Variants in SPNS3 observed in about 807,000 individuals in gnomAD.
SPNS3 encodes protein spinster homolog 3.
In SPNS3, 51 loss-of-function variants were observed where a neutral mutation model predicts 54.4. The observed-to-expected ratio is 0.94, with a 90% confidence interval of 0.75 to 1.18. The LOEUF (loss-of-function observed/expected upper bound fraction) is 1.18, where lower values mean the gene tolerates loss of function less well. Among genes scored for constraint, SPNS3 ranks in the 50% most tolerant of loss-of-function variants. The pLI is 0.00. For missense variants in SPNS3, 669 were observed against 677.4 expected, an observed-to-expected ratio of 0.99 and a Z score of 0.14; for synonymous variants, 309 against 294.7, an observed-to-expected ratio of 1.05 and a Z score of -0.50.
At chr17:4,482,804 C>A (rs1002687241) in intron 9 of SPNS3, among the ~76,000 whole-genome samples, 1 of 152,220 alleles carries the variant, frequency 6.6e-6, no homozygotes, top group Non-Finnish European at 1.5e-5. Flanking sequence ...CCGCCCCACT[C>A]AGGATGGCCC....
intron 4 of SPNS3, 87 bp from the exon 5 acceptor site, chr17:4,446,809 G>A (rs76993660): frequency 1.5e-6 from 2 of 1,301,554 alleles, no homozygotes; most frequent in Non-Finnish European, 2.2e-6. Context: ...TGGGGCGTGG[G>A]GGGGGCACCC....
chr17:4,449,921 C>T (rs1176841090), intron 7 of SPNS3, among the ~76,000 whole-genome samples: 7 of 152,148 alleles, frequency 4.6e-5, no homozygotes, highest in Admixed American at 2.0e-4. Context: ...GTCTGCTGCC[C>T]GGCTGGGCTC....
intron 9 of SPNS3, among the ~76,000 whole-genome samples, chr17:4,479,578 G>A (rs1972101487): frequency 1.3e-5 from 2 of 152,244 alleles, no homozygotes; most frequent in African/African-American, 4.8e-5. Context: ...AGATAACGCA[G>A]GGCCCTGGGC....
intron 9 of SPNS3, among the ~76,000 whole-genome samples, chr17:4,484,212 T>A (rs527262508): frequency 6.6e-6 from 1 of 152,224 alleles, no homozygotes; most frequent in South Asian, 2.1e-4. Flanking sequence ...GTGGAGGTTT[T>A]CCTCATCTGT....
At chr17:4,454,709 C>T (rs745674250) in intron 8 of SPNS3, among the ~76,000 whole-genome samples, 54 of 149,916 alleles carry the variant, frequency 3.6e-4, no homozygotes, top group Non-Finnish European at 5.8e-4. Flanking sequence ...CAACCTCCAC[C>T]TCCTGGGTTC....
rs1459645756 is a variant in SPNS3, at chr17:4,453,052, C to T, written c.960C>T (p.Val320=). 1.9e-6 allele frequency: 3 copies of T among 1,613,894 alleles called. No homozygotes were observed. The highest frequency in any genetic ancestry group is 1.7e-6 in the Non-Finnish European group (2 of 1,179,928). The change falls in exon 8 of 12, where the codon GTC becomes GTT. Residue 320 remains valine, a synonymous_variant. Transcript: ENST00000355530. The part of the protein sequence containing the change: ...IFGALTIMTG[V]IGVILGAEAA... ...GGGCACTGACCATCATGACCGGCGT[C>T]ATTGGGGTCATCTTGGGGGCAGAAG...
chr17:4,453,670 G>A (rs1408912242), intron 8 of SPNS3, among the ~76,000 whole-genome samples: 2 of 152,164 alleles, frequency 1.3e-5, no homozygotes, highest in East Asian at 3.9e-4. Context: ...GTGAAGAAGG[G>A]GCAGAACTGG....
At chr17:4,487,296 A>G (rs1421964778) in intron 11 of SPNS3, among the ~76,000 whole-genome samples, 1 of 152,080 alleles carries the variant, frequency 6.6e-6, no homozygotes, top group African/African-American at 2.4e-5. Context: ...CTGGGGAAAG[A>G]CGCTTCCGGC....
chr17:4,467,384 G>C (rs1971706971), intron 8 of SPNS3, among the ~76,000 whole-genome samples: 1 of 152,108 alleles, frequency 6.6e-6, no homozygotes, highest in Non-Finnish European at 1.5e-5. Context: ...CTGGCTGGAT[G>C]GTTCCTCTGC....
At chr17:4,443,716 C>T (rs1970910295) in intron 2 of SPNS3, among the ~76,000 whole-genome samples, 2 of 152,218 alleles carry the variant, frequency 1.3e-5, no homozygotes, top group Non-Finnish European at 1.5e-5. Context: ...CAACTTAGTC[C>T]CAGAAGTTGC....
chr17:4,463,316 G>T (rs1971587632), intron 8 of SPNS3, among the ~76,000 whole-genome samples: 1 of 151,232 alleles, frequency 6.6e-6, no homozygotes, highest in Non-Finnish European at 1.5e-5. Flanking sequence ...AGAATCACTT[G>T]AGCTCAGGAG....
intron 8 of SPNS3, among the ~76,000 whole-genome samples, chr17:4,471,651 A>T (rs1971856978): frequency 6.6e-6 from 1 of 151,814 alleles, no homozygotes; most frequent in Non-Finnish European, 1.5e-5. Context: ...TTTTTTGTAA[A>T]GGCAGGGTTT....
At chr17:4,484,752 C>A (rs930803475) in intron 9 of SPNS3, among the ~76,000 whole-genome samples, 1 of 152,016 alleles carries the variant, frequency 6.6e-6, no homozygotes, top group African/African-American at 2.4e-5. Context: ...GTCCCCTCCC[C>A]CTCCCTCCTT....
intron 8 of SPNS3, among the ~76,000 whole-genome samples, chr17:4,475,277 C>T (rs1202003140): frequency 6.6e-6 from 1 of 152,186 alleles, no homozygotes; most frequent in African/African-American, 2.4e-5. Flanking sequence ...GCCACACAGA[C>T]TCTGAGGAGA....
At chr17:4,455,934 T>C (rs1971302021) in intron 8 of SPNS3, among the ~76,000 whole-genome samples, 1 of 151,546 alleles carries the variant, frequency 6.6e-6, no homozygotes, top group South Asian at 2.1e-4. Flanking sequence ...GGGGTGAGTG[T>C]CACCTGAAGC....
chr17:4,446,086 C>T lies in SPNS3; in HGVS notation c.441C>T (p.Gly147=), dbSNP rs758188009. 6.2e-7 allele frequency: 1 copy of T among 1,612,766 alleles called. No homozygotes were observed. The highest frequency in any genetic ancestry group is 1.1e-5 in the South Asian group (1 of 90,992). Residue 147 remains glycine (G), a synonymous_variant, in exon 4 of 12, where the codon GGC becomes GGT. Transcript: ENST00000355530. Reference sequence around the variant, plus strand: ...TCTTCCTGTCCCGGGGCATCGTGGGCACTGGCTCGGCCAGCTACTCCACCA... The same window carrying T: ...TCTTCCTGTCCCGGGGCATCGTGGGTACTGGCTCGGCCAGCTACTCCACCA... ...WLFFLSRGIV[G]TGSASYSTIA... is the part of the protein sequence containing the mutation.
At chr17:4,473,518 G>A (rs553454637) in intron 8 of SPNS3, among the ~76,000 whole-genome samples, 1 of 151,946 alleles carries the variant, frequency 6.6e-6, no homozygotes, top group South Asian at 2.1e-4. Flanking sequence ...CACCCGAGTA[G>A]CTGGGATTAC....
At chr17:4,469,727 G>A (rs777859944) in intron 8 of SPNS3, among the ~76,000 whole-genome samples, 34 of 152,058 alleles carry the variant, frequency 2.2e-4, no homozygotes, top group Non-Finnish European at 4.1e-4. Context: ...ATCACCAAGG[G>A]CATGAGCATA....
chr17:4,434,297 C>G (rs1970659331), intron 1 of SPNS3, 131 bp downstream of exon 1: 2 of 866,254 alleles, frequency 2.3e-6, no homozygotes, highest in Admixed American at 6.4e-5. Context: ...GTTCTCACCT[C>G]TAGAGGTGGT....
Sources: allele counts gnomAD v4.1 joint callset (sites outside exome capture counted in the v4.1 genomes callset), GRCh38; gene constraint gnomAD v4.1.1; transcripts MANE v1.5; gene names NCBI Gene and HGNC (gene_info 2026-07-23, HGNC 2026-07-21).